LSM14B: variants seen among roughly 807,000 people sequenced by gnomAD.
LSM14B encodes the protein protein LSM14 homolog B.
In LSM14B, 8 loss-of-function variants were observed where a neutral mutation model predicts 42.1. That is an observed-to-expected ratio of 0.19 (90% CI 0.11 to 0.34). LSM14B has a LOEUF of 0.34. LSM14B is among the 10% of genes least tolerant of loss of function. The pLI is 1.00. For missense variants in LSM14B, 396 were observed against 513.1 expected, an observed-to-expected ratio of 0.77 and a Z score of 2.21; for synonymous variants, 219 against 209.7, an observed-to-expected ratio of 1.04 and a Z score of -0.38.
intron 2 of LSM14B, among the ~76,000 whole-genome samples, chr20:62,125,396 A>G (rs2056563572): frequency 6.6e-6 from 1 of 152,218 alleles, no homozygotes. Context: ...TTTCGGGCAT[A>G]GCGTTTGCCC....
chr20:62,126,307 TC>T lies in LSM14B; in HGVS notation c.298del (p.Leu100TrpfsTer43), dbSNP rs758101428. ...LPQDPAIVQS[S>X]LGSASASPFQ... ...CACCCGATGTCTCGTTGTTCAGTCT[TC>T]CCTGGGTTCTGCCTCCGCCTCGCCC... On this transcript the variant is annotated frameshift_variant, in exon 3 of 9. Coordinates refer to ENST00000279068, the MANE Select transcript of LSM14B (RefSeq NM_144703.3). LOFTEE classifies it high-confidence loss of function. The T allele has an allele frequency of 6.2e-7, 1 of 1,613,932 alleles. No homozygotes were observed. The highest frequency in any genetic ancestry group is 1.7e-5 in the Admixed American group (1 of 60,028).
intron 2 of LSM14B, 107 bp from the exon 3 acceptor site, chr20:62,126,197 A>G: frequency 3.9e-6 from 6 of 1,538,924 alleles, no homozygotes; most frequent in Non-Finnish European, 5.3e-6. Context: ...TCAAGGGTGC[A>G]GGCTGATGGG....
At chr20:62,134,113 C>A in intron 8 of LSM14B, 50 bp from the exon 9 acceptor site, 1 of 389,526 alleles carries the variant, frequency 2.6e-6, no homozygotes, top group Non-Finnish European at 5.3e-6. Context: ...GCAGGGGCAA[C>A]AGTGCTAGCT....
In LSM14B at chr20:62,122,506, C is replaced by A. The variant is rs1337886506; in HGVS notation, c.-161C>A. On this transcript the variant is annotated 5_prime_UTR_variant, in exon 1 of 9. Transcript: ENST00000279068. This position sits in a 1 kb window ranked among gnomAD's most constrained non-coding sequence, Gnocchi z 4.6. ...GCGCCCCTTCTTGGTTCGCTCGGTG[C>A]CCGCGCAGGCCCCTCGGGCGGTGGC... 1 of 388,538 alleles carries A rather than the reference C, an allele frequency of 2.6e-6. No individual in the cohort carries two copies. The highest frequency in any genetic ancestry group is 3.5e-6 in the Non-Finnish European group (1 of 284,750). The allele number at this position is 388,538 out of a possible 1,614,324, so 24.1% of individuals were successfully genotyped here.
At chr20:62,128,418 G>A (rs769547140) in intron 3 of LSM14B, among the ~76,000 whole-genome samples, 2 of 152,244 alleles carry the variant, frequency 1.3e-5, no homozygotes, top group Non-Finnish European at 2.9e-5. Context: ...CACAGCTGCT[G>A]TCAGTCTGTC....
At chr20:62,132,118 G>T (rs183266985) in intron 7 of LSM14B, among the ~76,000 whole-genome samples, 2 of 152,360 alleles carry the variant, frequency 1.3e-5, no homozygotes, top group Admixed American at 1.3e-4. Flanking sequence ...GCTGGAGAGC[G>T]CCACCTCTTC....
At position 62,124,765 on chromosome 20, in the gene LSM14B, T is replaced by C; in HGVS notation, c.276T>C (p.Asp92=). 1 of 1,612,806 alleles carries C rather than the reference T, an allele frequency of 6.2e-7. No individual in the cohort carries two copies. Among genetic ancestry groups the C allele is most frequent in the Non-Finnish European group, 8.5e-7 (1 of 1,179,340 alleles). ...PPKAQHTLPQ[D]PAIVQSSLGS... ...AAGCTCAGCACACACTCCCGCAGGA[T>C]CCCGCCATTGTTCAGGTAAGTGTGC... The change falls in exon 2 of 9, where the codon GAT becomes GAC. Residue 92 remains aspartate (D), a synonymous_variant. Coordinates refer to ENST00000279068, the MANE Select transcript of LSM14B (RefSeq NM_144703.3).
chr20:62,127,561 T>A, intron 3 of LSM14B: 1 of 1,499,014 alleles, frequency 6.7e-7, no homozygotes, highest in Non-Finnish European at 9.1e-7. Flanking sequence ...TTCTTTTTGC[T>A]CTTTCTCCTT....
At position 62,130,863 on chromosome 20, in the gene LSM14B, A is replaced by G. The variant is rs1227890428; in HGVS notation, c.835+172A>G. Among the ~76,000 whole-genome samples the G allele has an allele frequency of 6.6e-6, 1 of 152,048 alleles. No individual in the cohort carries two copies. Among genetic ancestry groups the G allele is most frequent in the Non-Finnish European group, 1.5e-5 (1 of 68,008 alleles). On this transcript the variant is annotated intron_variant, in intron 6 of 8. Transcript: ENST00000279068. The surrounding 1 kb of genome is among the most constrained non-coding windows in gnomAD (Gnocchi z 4.1). Reference sequence around the variant, plus strand: ...GTTCAACACCAGCCTGGCCAACACAATGAAACCCCATCTGTACTAAAAATC... The same window carrying G: ...GTTCAACACCAGCCTGGCCAACACAGTGAAACCCCATCTGTACTAAAAATC...
chr20:62,124,892 T>TA (rs1248955736), intron 2 of LSM14B, 112 bp downstream of exon 2: 21 of 1,243,668 alleles, frequency 1.7e-5, no homozygotes, highest in Non-Finnish European at 2.3e-5. Context: ...CTTTTTTTTT[T>TA]TTTCTTTGAG....
chr20:62,123,818 C>T (rs1236027051), intron 1 of LSM14B, among the ~76,000 whole-genome samples: 6 of 152,214 alleles, frequency 3.9e-5, no homozygotes, highest in African/African-American at 1.4e-4. Context: ...CCGTCTCCTG[C>T]GTGGCTTCAG....
In LSM14B at chr20:62,133,301, C is replaced by A. The variant is rs1368094873; in HGVS notation, c.998C>A (p.Thr333Lys). The A allele has an allele frequency of 6.2e-7, 1 of 1,613,090 alleles. No individual in the cohort carries two copies. The change falls in exon 8 of 9, where the codon ACG becomes AAG. Residue 333 changes from threonine (T) to lysine (K), a missense_variant. Around this residue, in one of 3 missense-constraint regions of LSM14B, gnomAD observed 118 missense variants for 156.4 expected, o/e 0.75. Coordinates refer to ENST00000279068, the MANE Select transcript of LSM14B (RefSeq NM_144703.3). The part of the protein sequence containing the change: ...SSELKTSSRR[T>K]TWAEERKLNT... ...CCTCTGTGGTTTAGCTCCAGGCGGA[C>A]GACGTGGGCCGAAGAGAGGAAGCTC...
rs900362896 is a variant in LSM14B, at chr20:62,124,855, G to A, written c.291+75G>A. 20 of 1,455,430 alleles carry A rather than the reference G, an allele frequency of 1.4e-5. No individual in the cohort carries two copies. The Admixed American group carries it at 3.8e-4, about 27-fold the overall frequency. The allele number at this position is 1,455,430 out of a possible 1,614,324, so 90.2% of individuals were successfully genotyped here. A position where few individuals can be genotyped will look rare whatever the true frequency, so the allele number is the denominator to read the frequency against. On this transcript the variant is annotated intron_variant, in intron 2 of 8. Coordinates refer to ENST00000279068, the MANE Select transcript of LSM14B (RefSeq NM_144703.3). ...CATTTGGAGCTTGGTGGCATGTTTGGTCAGAACGCTCAATGTGAGGAATAA... is the reference window on the plus strand; with the variant it reads ...CATTTGGAGCTTGGTGGCATGTTTGATCAGAACGCTCAATGTGAGGAATAA...
chr20:62,130,447 T>A lies in LSM14B; in HGVS notation c.674-83T>A. ...TCTGTTCCTTCTGTGGCCTTGGGGG[T>A]GTGCCTGGAAATTCCTTGTGAGGTG... On this transcript the variant is annotated intron_variant, in intron 5 of 8. Transcript: ENST00000279068. This position sits in a 1 kb window ranked among gnomAD's most constrained non-coding sequence, Gnocchi z 4.1. 1.9e-6 allele frequency: 3 copies of A among 1,557,834 alleles called. No individual in the cohort carries two copies. Among genetic ancestry groups the A allele is most frequent in the Non-Finnish European group, 2.6e-6 (3 of 1,148,072 alleles).
intron 3 of LSM14B, among the ~76,000 whole-genome samples, chr20:62,128,270 A>T (rs1400987013): frequency 6.6e-6 from 1 of 152,028 alleles, no homozygotes; most frequent in Non-Finnish European, 1.5e-5. Context: ...CTCACGTTCT[A>T]CTCATTTCCC....
chr20:62,131,614 G>A lies in LSM14B; in HGVS notation c.986+108G>A. 5 of 1,397,718 alleles carry A rather than the reference G, an allele frequency of 3.6e-6. No individual in the cohort carries two copies. The South Asian group carries it at 5.0e-5, about 14-fold the overall frequency. 86.6% of individuals were successfully genotyped at this position (1,397,718 alleles called of 1,614,324 possible). On this transcript the variant is annotated intron_variant, in intron 7 of 8. Transcript: ENST00000279068. ...CTGGACTCTGAGGCTCAGGGTAGCT[G>A]TTCTAGGGTCCTGCTTGCGTTTCTG... is the stretch of plus-strand genomic sequence containing the variant.
chr20:62,123,947 G>C (rs1274479991), intron 1 of LSM14B, among the ~76,000 whole-genome samples: 1 of 152,196 alleles, frequency 6.6e-6, no homozygotes, highest in African/African-American at 2.4e-5. Context: ...GGAGTTAGCA[G>C]GAGTTGTGTC....
intron 8 of LSM14B, 89 bp downstream of exon 8, chr20:62,133,564 GT>G: frequency 6.9e-7 from 1 of 1,444,690 alleles, no homozygotes; most frequent in Non-Finnish European, 9.2e-7. Context: ...AGCAGGCTCG[GT>G]TTCCCAGGAA....
intron 1 of LSM14B, among the ~76,000 whole-genome samples, chr20:62,124,037 C>A (rs1251817345): frequency 6.6e-6 from 1 of 152,218 alleles, no homozygotes; most frequent in Non-Finnish European, 1.5e-5. Flanking sequence ...TCCTGGAAGC[C>A]TGCTGGTTAG....
Sources: gnomAD v4.1 joint callset for allele counts (sites outside exome capture counted in the v4.1 genomes callset) on GRCh38, gnomAD v4.1.1 for gene constraint, gnomAD v4.1.1 regional missense constraint, Gnocchi (gnomAD v3.1) non-coding constraint, MANE v1.5 for transcripts, NCBI Gene and HGNC (gene_info 2026-07-23, HGNC 2026-07-21) for gene names.